SMYD1: variants seen among roughly 807,000 people sequenced by gnomAD.
SMYD1 encodes the protein histone-lysine N-methyltransferase SMYD1.
Under a neutral mutation model 54.0 loss-of-function variants are expected in SMYD1, and 49 were observed. That is an observed-to-expected ratio of 0.91 (90% CI 0.72 to 1.15). SMYD1 has a LOEUF of 1.15. Among genes scored for constraint, SMYD1 ranks in the 50% most tolerant of loss-of-function variants. SMYD1 has a pLI of 0.00. For missense variants in SMYD1, 653 were observed against 639.6 expected (o/e 1.02, Z -0.23); for synonymous variants, 269 against 234.2 (o/e 1.15, Z -1.36).
At chr2:88,094,419 T>C (rs1674530523) in intron 5 of SMYD1, among the ~76,000 whole-genome samples, 1 of 152,124 alleles carries the variant, frequency 6.6e-6, no homozygotes, top group South Asian at 2.1e-4. Context: ...AACTATGGAA[T>C]TGCAGATTGT....
chr2:88,087,648 T>A (rs1674362794), intron 2 of SMYD1, among the ~76,000 whole-genome samples: 1 of 152,194 alleles, frequency 6.6e-6, no homozygotes, highest in Non-Finnish European at 1.5e-5. Flanking sequence ...CCCTGTATTA[T>A]TTTTTCTGCA....
At chr2:88,082,132 C>T (rs1225744545) in intron 1 of SMYD1, among the ~76,000 whole-genome samples, 1 of 152,118 alleles carries the variant, frequency 6.6e-6, no homozygotes, top group Non-Finnish European at 1.5e-5. Context: ...ATGACCTTCT[C>T]AGGGAGGGTG....
At chr2:88,072,037 G>A (rs1205014087) in intron 1 of SMYD1, among the ~76,000 whole-genome samples, 4 of 151,032 alleles carry the variant, frequency 2.6e-5, no homozygotes, top group Non-Finnish European at 5.9e-5. Flanking sequence ...TTAACATTCT[G>A]GTGTATATCC....
At chr2:88,097,327 G>A (rs1326940460) in intron 6 of SMYD1, among the ~76,000 whole-genome samples, 1 of 152,196 alleles carries the variant, frequency 6.6e-6, no homozygotes, top group African/African-American at 2.4e-5. Flanking sequence ...AGTCTGTTGA[G>A]CAGCAGAGGA....
rs1674987653 is a variant in SMYD1, at chr2:88,110,345, G to T, written c.1315-9G>T. 1.9e-6 allele frequency: 3 copies of T among 1,608,556 alleles called. No homozygotes were observed. Among genetic ancestry groups the T allele is most frequent in the Non-Finnish European group, 2.5e-6 (3 of 1,177,212 alleles). ...CTATCACTGTTTACGGTGTATCTGT[G>T]TCCCACAGGCCATGCGGGTGCAGAC... On this transcript the variant is annotated splice_polypyrimidine_tract_variant and intron_variant, in intron 9 of 9. Coordinates refer to ENST00000419482, the MANE Select transcript of SMYD1 (RefSeq NM_198274.4).
rs1302239484 is a variant in SMYD1 at position 88,067,988 on chromosome 2, G to A, written c.124G>A (p.Val42Met). 6.2e-7 allele frequency: 1 copy of A among 1,613,450 alleles called. No individual in the cohort carries two copies. Among genetic ancestry groups the A allele is most frequent in the Non-Finnish European group, 8.5e-7 (1 of 1,179,976 alleles). ...CTTTGCTGAGCGGGCTTATTCCGCA[G>A]TGGTTTTTGACAGGTATGAAATGTG... The part of the protein sequence containing the change: ...IIFAERAYSA[V>M]VFDSLVNFVC... The change falls in exon 1 of 10, where the codon GTG (valine) becomes ATG (methionine). Residue 42 changes from valine to methionine, a missense_variant. Val to Met is a conservative substitution (Grantham distance 21, BLOSUM62 1). Coordinates refer to ENST00000419482, the MANE Select transcript of SMYD1 (RefSeq NM_198274.4).
intron 6 of SMYD1, 102 bp downstream of exon 6, chr2:88,096,886 T>C: frequency 1.7e-6 from 2 of 1,198,894 alleles, no homozygotes; most frequent in Non-Finnish European, 2.3e-6. Context: ...ATGAGCTTCC[T>C]AGGGAGCAAC....
rs1675052721 is a variant in SMYD1 at position 88,112,543 on chromosome 2, G to A, written c.*2031G>A. The stretch of plus-strand genomic sequence containing the variant: ...CAGGTGCAATCAGTAAAAATGCTGA[G>A]AACTCTTGGATCTTAATCTTCATGA... On this transcript the variant is annotated 3_prime_UTR_variant, in exon 10 of 10. Coordinates refer to ENST00000419482, the MANE Select transcript of SMYD1 (RefSeq NM_198274.4). 1 of 188,470 alleles carries A rather than the reference G, an allele frequency of 5.3e-6. No individual in the cohort carries two copies. Among genetic ancestry groups the A allele is most frequent in the South Asian group, 1.4e-4 (1 of 6,936 alleles). 11.7% of individuals were successfully genotyped at this position (188,470 alleles called of 1,614,324 possible). A position where few individuals can be genotyped will look rare whatever the true frequency, so the allele number is the denominator to read the frequency against.
At chr2:88,104,406 C>A (rs1053098832) in intron 7 of SMYD1, among the ~76,000 whole-genome samples, 1 of 152,206 alleles carries the variant, frequency 6.6e-6, no homozygotes, top group Non-Finnish European at 1.5e-5. Flanking sequence ...GGTAGACAGT[C>A]ACACACACAA....
Position 88,106,376 on chromosome 2 carries a change from G to C in SMYD1, c.1033G>C (p.Asp345His). The C allele has an allele frequency of 6.2e-7, 1 of 1,614,150 alleles. No individual in the cohort carries two copies. The highest frequency in any genetic ancestry group is 1.3e-5 in the African/African-American group (1 of 75,028). ...GGAGAAGCAGGAGCCAGTGTTTGCT[G>C]ACACCAACATCTACATGCTGCGGAT... ...CLEKQEPVFA[D>H]TNIYMLRMLS... Residue 345 changes from aspartate to histidine, a missense_variant, in exon 8 of 10, where the codon GAC becomes CAC. Asp to His is a moderately conservative substitution (Grantham distance 81). Transcript: ENST00000419482.
At chr2:88,075,321 T>G (rs1465460147) in intron 1 of SMYD1, among the ~76,000 whole-genome samples, 3 of 152,164 alleles carry the variant, frequency 2.0e-5, no homozygotes, top group African/African-American at 7.2e-5. Flanking sequence ...CCCATAATGA[T>G]GCTATCTTTA....
In SMYD1 at chr2:88,096,606, G is replaced by C. The variant is rs142954295; in HGVS notation, c.710G>C (p.Arg237Pro). The change falls in exon 6 of 10, where the codon CGG (arginine) becomes CCG (proline). Residue 237 changes from arginine to proline, a missense_variant. Physicochemically the swap from Arg to Pro is moderately radical, Grantham distance 103. Transcript: ENST00000419482. ...MFHTQMRIEL[R>P]ALGKISEGEE... ...TCACCCTGCTTCAGAATTGAGCTCC[G>C]GGCCCTAGGCAAGATCTCAGAAGGA... 2 of 1,611,860 alleles carry C rather than the reference G, an allele frequency of 1.2e-6. No homozygotes were observed. Among genetic ancestry groups the C allele is most frequent in the Non-Finnish European group, 1.7e-6 (2 of 1,178,824 alleles).
chr2:88,103,513 C>T (rs1674775462), intron 7 of SMYD1, among the ~76,000 whole-genome samples: 3 of 152,128 alleles, frequency 2.0e-5, no homozygotes, highest in Admixed American at 2.0e-4. Flanking sequence ...TAATTGAATG[C>T]ATGTGCCAGC....
chr2:88,096,793 A>G lies in SMYD1; in HGVS notation c.888+9A>G, dbSNP rs375475593. Reference sequence around the variant, plus strand: ...TGAAAGACAACCCCAAGGTACACACAGCCCTGCTGCTGAGGTGTTTGTGTC... The same window carrying G: ...TGAAAGACAACCCCAAGGTACACACGGCCCTGCTGCTGAGGTGTTTGTGTC... On this transcript the variant is annotated intron_variant, in intron 6 of 9. Coordinates refer to ENST00000419482, the MANE Select transcript of SMYD1 (RefSeq NM_198274.4). 2.5e-6 allele frequency: 4 copies of G among 1,609,450 alleles called. No individual in the cohort carries two copies. The African/African-American group carries it at 5.3e-5, about 22-fold the overall frequency.
rs1675047847 is a variant in SMYD1 at position 88,112,380 on chromosome 2, G to C, written c.*1868G>C. ...TGTCTGTGCTCCTCCTTCCCTCTCA[G>C]ACCACTGGAATGCAAGTCCTTCTTC... On this transcript the variant is annotated 3_prime_UTR_variant, in exon 10 of 10. Coordinates refer to ENST00000419482, the MANE Select transcript of SMYD1 (RefSeq NM_198274.4). 24 of 544,948 alleles carry C rather than the reference G, an allele frequency of 4.4e-5. No homozygotes were observed. The South Asian group carries it at 5.5e-4, about 13-fold the overall frequency. The allele number at this position is 544,948 out of a possible 1,614,324, so 33.8% of individuals were successfully genotyped here.
intron 1 of SMYD1, among the ~76,000 whole-genome samples, chr2:88,076,513 G>A (rs1351122450): frequency 6.6e-6 from 1 of 152,096 alleles, no homozygotes; most frequent in African/African-American, 2.4e-5. Flanking sequence ...GTGAGCCACC[G>A]CGCCCCGCCT....
At chr2:88,104,189 A>G (rs1459608664) in intron 7 of SMYD1, among the ~76,000 whole-genome samples, 17 of 152,000 alleles carry the variant, frequency 1.1e-4, no homozygotes. Context: ...GATGGTCTCG[A>G]TTTCCCAACA....
chr2:88,109,421 G>A (rs1674958740), intron 9 of SMYD1, among the ~76,000 whole-genome samples: 1 of 152,142 alleles, frequency 6.6e-6, no homozygotes, highest in South Asian at 2.1e-4. Flanking sequence ...TGAATGTATG[G>A]CTGTCAGTCT....
At chr2:88,106,077 T>C (rs894141460) in intron 7 of SMYD1, among the ~76,000 whole-genome samples, 2 of 152,090 alleles carry the variant, frequency 1.3e-5, no homozygotes, top group Admixed American at 1.3e-4. Flanking sequence ...CTGCTACCTA[T>C]TGATTTTGGA....
Sources: allele counts gnomAD v4.1 joint callset (sites outside exome capture counted in the v4.1 genomes callset), GRCh38; gene constraint gnomAD v4.1.1; transcripts MANE v1.5; gene names NCBI Gene and HGNC (gene_info 2026-07-23, HGNC 2026-07-21).